Variants in CLXN observed in about 807,000 individuals in gnomAD.
CLXN encodes the protein calaxin, also known as EF-hand calcium binding domain 1.
the CLXN span, among the ~76,000 whole-genome samples, chr8:48,722,973 G>A: frequency 1.3e-5 from 2 of 152,156 alleles, no homozygotes; most frequent in Non-Finnish European, 2.9e-5. Context: ...GTAGAATGGT[G>A]GTTTCCAAGG....
chr8:48,713,766 A>C, the CLXN span: 1 of 152,196 alleles, frequency 6.6e-6, no homozygotes, highest in Non-Finnish European at 1.5e-5. Context: ...TGGTGCAAGC[A>C]ATTGCAGGCC....
chr8:48,722,157 AT>A, the CLXN span, among the ~76,000 whole-genome samples: 1 of 152,200 alleles, frequency 6.6e-6, no homozygotes, highest in African/African-American at 2.4e-5. Context: ...CTGACTACGC[AT>A]TTTTCAAAGA....
the CLXN span, among the ~76,000 whole-genome samples, chr8:48,718,782 A>T: frequency 1.2e-3 from 183 of 152,146 alleles, 1 homozygote; most frequent in Non-Finnish European, 1.8e-3. Flanking sequence ...CCAACACAAA[A>T]CTTATACAAT....
At chr8:48,724,365 T>C in the CLXN span, 1 of 159,208 alleles carries the variant, frequency 6.3e-6, no homozygotes, top group African/African-American at 2.4e-5. Context: ...GTTTCAATGA[T>C]TTTTCAGTGT....
At chr8:48,729,997 G>A in the CLXN span, 1 of 775,638 alleles carries the variant, frequency 1.3e-6, no homozygotes, top group Non-Finnish European at 2.0e-6. Flanking sequence ...AGCCTGATTT[G>A]CATTGTAAGT....
chr8:48,728,626 G>A, the CLXN span, among the ~76,000 whole-genome samples: 1 of 152,178 alleles, frequency 6.6e-6, no homozygotes, highest in Non-Finnish European at 1.5e-5. Flanking sequence ...GGGTTATTAT[G>A]AGGATTAAAT....
At chr8:48,729,860 C>T in the CLXN span, 14 of 1,605,878 alleles carry the variant, frequency 8.7e-6, no homozygotes, top group Admixed American at 3.4e-5. Flanking sequence ...AAATCAAACA[C>T]TTCAAAGCAA....
At chr8:48,711,939 G>A in the CLXN span, 185 of 152,298 alleles carry the variant, frequency 1.2e-3, no homozygotes, top group African/African-American at 4.4e-3. Context: ...CATGTAAAAT[G>A]CTTAGCCCAA....
the CLXN span, among the ~76,000 whole-genome samples, chr8:48,717,366 A>G: frequency 9.2e-5 from 14 of 152,312 alleles, no homozygotes; most frequent in African/African-American, 3.1e-4. Context: ...ACCAGGGAAG[A>G]GTGAGATAAC....
At chr8:48,731,246 G>C in the CLXN span, 1 of 1,229,380 alleles carries the variant, frequency 8.1e-7, no homozygotes. Flanking sequence ...CACTGGGAAT[G>C]CAAAACACTA....
At chr8:48,717,546 T>C in the CLXN span, among the ~76,000 whole-genome samples, 1 of 152,182 alleles carries the variant, frequency 6.6e-6, no homozygotes, top group African/African-American at 2.4e-5. Context: ...AGTTCTTCAA[T>C]TTGAAATAAA....
chr8:48,731,207 C>A, the CLXN span: 1 of 834,008 alleles, frequency 1.2e-6, no homozygotes, highest in South Asian at 3.5e-5. Flanking sequence ...CTATGATCTT[C>A]TCAAAATTAA....
chr8:48,719,488 C>A, the CLXN span, among the ~76,000 whole-genome samples: 12 of 152,248 alleles, frequency 7.9e-5, 1 homozygote, highest in African/African-American at 2.9e-4. Context: ...AAGCCAATAT[C>A]CCTGATGAAC....
chr8:48,729,589 T>C, the CLXN span: 1 of 876,902 alleles, frequency 1.1e-6, no homozygotes, highest in Non-Finnish European at 1.7e-6. Flanking sequence ...TATTAATATG[T>C]TGAGGAGCAT....
At chr8:48,722,366 TA>T in the CLXN span, among the ~76,000 whole-genome samples, 2 of 152,176 alleles carry the variant, frequency 1.3e-5, no homozygotes, top group East Asian at 3.9e-4. Flanking sequence ...GAAAGCAGTA[TA>T]GAGACTCTTC....
At chr8:48,732,217 G>T in the CLXN span, among the ~76,000 whole-genome samples, 1 of 152,194 alleles carries the variant, frequency 6.6e-6, no homozygotes, top group African/African-American at 2.4e-5. Flanking sequence ...ATTTGAGAAT[G>T]TAGGTGGAAG....
chr8:48,717,261 A>G, the CLXN span, among the ~76,000 whole-genome samples: 1 of 152,222 alleles, frequency 6.6e-6, no homozygotes, highest in South Asian at 2.1e-4. Flanking sequence ...AGTCAAGAAT[A>G]AAGAGCATTT....
chr8:48,728,818 CATTA>C, the CLXN span, among the ~76,000 whole-genome samples: 1 of 152,218 alleles, frequency 6.6e-6, no homozygotes, highest in Non-Finnish European at 1.5e-5. Context: ...CATTAAACCT[CATTA>C]ATTGTTTCTG....
At chr8:48,731,453 C>T in the CLXN span, 1 of 1,613,278 alleles carries the variant, frequency 6.2e-7, no homozygotes, top group South Asian at 1.1e-5. Context: ...TCTACTCCTC[C>T]CACCAAGTCA....
Sources: allele counts gnomAD v4.1 joint callset (sites outside exome capture counted in the v4.1 genomes callset), GRCh38; gene constraint gnomAD v4.1.1; transcripts MANE v1.5; gene names NCBI Gene and HGNC (gene_info 2026-07-23, HGNC 2026-07-21).